Variants in PTPRD observed in about 807,000 individuals in gnomAD.
PTPRD encodes receptor-type tyrosine-protein phosphatase delta.
A neutral mutation model predicts 214.5 loss-of-function variants in PTPRD; 34 were observed. The ratio of observed to expected loss-of-function variants is 0.16; its 90% CI spans 0.12 to 0.21. The LOEUF (loss-of-function observed/expected upper bound fraction) is 0.21. Among genes scored for constraint, PTPRD ranks in the 10% least tolerant of loss-of-function variants. The pLI, the probability that PTPRD is intolerant of heterozygous loss-of-function variation, is 1.00. For synonymous variants in PTPRD, 1,128 were observed against 845.7 expected (o/e 1.33, Z -5.79); for missense variants, 2,545 against 2,398.7 (o/e 1.06, Z -1.27).
chr9:9,653,490 A>C (rs2096428911), intron 7 of PTPRD, among the ~76,000 whole-genome samples: 1 of 152,134 alleles, frequency 6.6e-6, no homozygotes, highest in Non-Finnish European at 1.5e-5. Flanking sequence ...ATGCAAAAGA[A>C]AAAACTGCAC....
chr9:9,284,164 T>A (rs1297001207), intron 9 of PTPRD, among the ~76,000 whole-genome samples: 1 of 151,602 alleles, frequency 6.6e-6, no homozygotes, highest in Admixed American at 6.6e-5. Context: ...AATAATTCCT[T>A]TTCTTGGGGT....
intron 3 of PTPRD, among the ~76,000 whole-genome samples, chr9:10,119,365 A>C (rs2098756907): frequency 6.6e-6 from 1 of 152,050 alleles, no homozygotes; most frequent in African/African-American, 2.4e-5. Flanking sequence ...CTTCTATGGT[A>C]CACTGGATTG....
intron 11 of PTPRD, among the ~76,000 whole-genome samples, chr9:8,912,998 T>C (rs1358461225): frequency 2.6e-5 from 4 of 152,170 alleles, no homozygotes; most frequent in African/African-American, 9.7e-5. Flanking sequence ...CATTAATCTA[T>C]TTTGAAAAGT....
At chr9:8,691,414 G>C (rs944978881) in intron 12 of PTPRD, among the ~76,000 whole-genome samples, 1 of 148,520 alleles carries the variant, frequency 6.7e-6, no homozygotes, top group Non-Finnish European at 1.5e-5. Context: ...AAAAAAAATA[G>C]AAGAGTGCTA....
At position 8,319,944 on chromosome 9, in the gene PTPRD, C is replaced by T. The variant is rs1825680904; in HGVS notation, c.5557G>A (p.Val1853Ile). The part of the protein sequence containing the change: ...HCSAGVGRTG[V>I]FITLSIVLER... Reference sequence around the variant, plus strand: ...AAAACAATGCTTAGCGTTATGAAGACTCCAGTTCTTCCAACGCCCGCGCTG... The same window carrying T: ...AAAACAATGCTTAGCGTTATGAAGATTCCAGTTCTTCCAACGCCCGCGCTG... The change falls in exon 45 of 46, where the codon GTC becomes ATC. Residue 1853 changes from valine to isoleucine, a missense_variant. Transcript: ENST00000381196. The T allele has an allele frequency of 6.2e-7, 1 of 1,612,336 alleles. No individual in the cohort carries two copies.
chr9:9,151,851 T>G (rs1054871696), intron 10 of PTPRD, among the ~76,000 whole-genome samples: 3 of 152,178 alleles, frequency 2.0e-5, no homozygotes, highest in African/African-American at 7.2e-5. Context: ...CTGGGCCAGT[T>G]AGGTGATAGC....
chr9:8,550,010 T>TAAGACA (rs1196200436), intron 14 of PTPRD, among the ~76,000 whole-genome samples: 3 of 152,148 alleles, frequency 2.0e-5, no homozygotes, highest in Non-Finnish European at 4.4e-5. Context: ...CATCACTGAT[T>TAAGACA]AACTTGAACT....
At position 8,485,920 on chromosome 9, in the gene PTPRD, A is replaced by C. The variant is rs1486384359; in HGVS notation, c.2897T>G (p.Leu966Arg). Residue 966 changes from leucine to arginine, a missense_variant, in exon 28 of 46, where the codon CTC becomes CGC. By Grantham distance (102) the Leu-to-Arg change is moderately radical (BLOSUM62 -2). Transcript: ENST00000381196. Reference sequence around the variant, plus strand: ...TGGAACAATAAGCTGCTCCATCGGGAGAAGGGGGATGTTGATATCCCTATA... The same window carrying C: ...TGGAACAATAAGCTGCTCCATCGGGCGAAGGGGGATGTTGATATCCCTATA... ...LLYRDINIPL[L>R]PMEQLIVPAD... The C allele has an allele frequency of 1.9e-6, 3 of 1,614,010 alleles. No homozygotes were observed. Among genetic ancestry groups the C allele is most frequent in the Non-Finnish European group, 2.5e-6 (3 of 1,180,018 alleles).
At chr9:8,905,029 A>G (rs2098697820) in intron 11 of PTPRD, among the ~76,000 whole-genome samples, 1 of 152,238 alleles carries the variant, frequency 6.6e-6, no homozygotes. Flanking sequence ...AAACACTTCA[A>G]GATTTAAATG....
chr9:9,202,310 G>A (rs1235786200), intron 9 of PTPRD, among the ~76,000 whole-genome samples: 2 of 152,090 alleles, frequency 1.3e-5, no homozygotes, highest in Non-Finnish European at 2.9e-5. Context: ...TATGCAAGAT[G>A]GTTAAAAATT....
chr9:8,365,433 TC>T (rs1351903469), intron 39 of PTPRD, among the ~76,000 whole-genome samples: 1 of 152,214 alleles, frequency 6.6e-6, no homozygotes, highest in African/African-American at 2.4e-5. Flanking sequence ...TGGACTTTTT[TC>T]CTACTTTCTT....
In PTPRD at chr9:9,843,089, A is replaced by G. The variant is rs151087711; in HGVS notation, c.-367-76238T>C. ...ACAGCTATGTTTGAATATTTTCCAT[A>G]AAGGATTTTGGGCTATAATGTCAGA... On this transcript the variant is annotated intron_variant, in intron 5 of 45. Coordinates refer to ENST00000381196, the MANE Select transcript of PTPRD (RefSeq NM_002839.4). Among the ~76,000 whole-genome samples, 188 of 152,194 alleles carry G rather than the reference A, an allele frequency of 1.2e-3. 1 individual carries two copies. Among genetic ancestry groups the G allele is most frequent in the African/African-American group, 4.2e-3 (173 of 41,552 alleles).
chr9:8,898,629 TTTAA>T (rs2098639966), intron 11 of PTPRD, among the ~76,000 whole-genome samples: 1 of 152,228 alleles, frequency 6.6e-6, no homozygotes, highest in Non-Finnish European at 1.5e-5. Flanking sequence ...CATCAACTAC[TTTAA>T]TTGAGTATCT....
chr9:9,343,600 A>G (rs2137507019), intron 9 of PTPRD, among the ~76,000 whole-genome samples: 1 of 152,342 alleles, frequency 6.6e-6, no homozygotes, highest in African/African-American at 2.4e-5. Context: ...CAAATATCAA[A>G]GTTTGAAGGT....
intron 9 of PTPRD, among the ~76,000 whole-genome samples, chr9:9,395,075 C>G (rs548596538): frequency 6.6e-6 from 1 of 151,980 alleles, no homozygotes; most frequent in South Asian, 2.1e-4. Context: ...ATGTCTCCAC[C>G]ATGTGCCATT....
chr9:8,538,250 T>C (rs1215453225), intron 14 of PTPRD, among the ~76,000 whole-genome samples: 1 of 152,126 alleles, frequency 6.6e-6, no homozygotes, highest in South Asian at 2.1e-4. Flanking sequence ...AATTAACCAC[T>C]TTACCGAAAT....
chr9:8,896,444 G>C (rs920824985), intron 11 of PTPRD, among the ~76,000 whole-genome samples: 2 of 152,074 alleles, frequency 1.3e-5, no homozygotes, highest in African/African-American at 4.8e-5. Context: ...GCTTAAAATA[G>C]CATAAAATAG....
chr9:9,405,760 G>A (rs911809477), intron 8 of PTPRD, among the ~76,000 whole-genome samples: 1 of 151,920 alleles, frequency 6.6e-6, no homozygotes, highest in African/African-American at 2.4e-5. Flanking sequence ...TTAACAAAAT[G>A]TATTTTCCCC....
intron 5 of PTPRD, among the ~76,000 whole-genome samples, chr9:9,770,134 T>C (rs1032593547): frequency 2.6e-5 from 4 of 152,284 alleles, no homozygotes; most frequent in Admixed American, 6.5e-5. Context: ...AGTAATGAGA[T>C]TGCTGGGTCA....
Sources: allele counts gnomAD v4.1 joint callset (sites outside exome capture counted in the v4.1 genomes callset), GRCh38; gene constraint gnomAD v4.1.1; transcripts MANE v1.5; gene names NCBI Gene and HGNC (gene_info 2026-07-23, HGNC 2026-07-21).